The following PHLPP1 variants were observed in gnomAD, a reference collection of about 807,000 sequenced individuals.
PHLPP1 encodes PH domain leucine-rich repeat-containing protein phosphatase 1.
A neutral mutation model predicts 117.2 loss-of-function variants in PHLPP1; 42 were observed. The ratio of observed to expected loss-of-function variants is 0.36; its 90% CI spans 0.28 to 0.46. The LOEUF is 0.46. Among genes scored for constraint, PHLPP1 ranks in the 20% least tolerant of loss-of-function variants. The pLI is 1.00. For synonymous variants in PHLPP1, 1,042 were observed against 970.7 expected, an observed-to-expected ratio of 1.07 and a Z score of -1.37; for missense variants, 2,084 against 2,241.9, an observed-to-expected ratio of 0.93 and a Z score of 1.42.
At chr18:62,927,219 C>A (rs1480543965) in intron 10 of PHLPP1, among the ~76,000 whole-genome samples, 1 of 152,176 alleles carries the variant, frequency 6.6e-6, no homozygotes, top group Admixed American at 6.5e-5. Context: ...CTTAATGTAT[C>A]TTCACTTATC....
chr18:62,823,746 T>C (rs1285629958), intron 1 of PHLPP1, among the ~76,000 whole-genome samples: 1 of 151,940 alleles, frequency 6.6e-6, no homozygotes. Flanking sequence ...GATATGCGGA[T>C]CACAAACTTG....
chr18:62,837,866 C>T (rs553614325), intron 2 of PHLPP1: 1 of 152,036 alleles, frequency 6.6e-6, no homozygotes, highest in South Asian at 2.1e-4. Context: ...GGGGTTTTAC[C>T]ATGTTGACCA....
intron 4 of PHLPP1, among the ~76,000 whole-genome samples, chr18:62,879,614 TAGTC>T: frequency 6.6e-6 from 1 of 152,224 alleles, no homozygotes; most frequent in African/African-American, 2.4e-5. Flanking sequence ...TTCACCGTGT[TAGTC>T]AGGATGGTCT....
intron 6 of PHLPP1, among the ~76,000 whole-genome samples, chr18:62,902,452 G>A (rs1916748216): frequency 6.6e-6 from 1 of 152,168 alleles, no homozygotes; most frequent in Non-Finnish European, 1.5e-5. Context: ...TGTGACTCCC[G>A]TCCATTACTG....
chr18:62,951,401 C>A (rs1463591180), intron 12 of PHLPP1, among the ~76,000 whole-genome samples: 1 of 152,184 alleles, frequency 6.6e-6, no homozygotes, highest in Non-Finnish European at 1.5e-5. Flanking sequence ...GCTTATGTAT[C>A]TATAAAGATG....
rs1913041011 is a variant in PHLPP1 at position 62,778,920 on chromosome 18, A to C, written c.1577-51115A>C. On this transcript the variant is annotated intron_variant, in intron 1 of 16. Coordinates refer to ENST00000262719, the MANE Select transcript of PHLPP1 (RefSeq NM_194449.4). Reference sequence around the variant, plus strand: ...AGCCTTCTGACTTCTTTGGTCCCACAAGGTTAGCCGTAGGCTTGTATATTG... The same window carrying C: ...AGCCTTCTGACTTCTTTGGTCCCACCAGGTTAGCCGTAGGCTTGTATATTG... Among the ~76,000 whole-genome samples, 3 of 152,258 alleles carry C rather than the reference A, an allele frequency of 2.0e-5. No homozygotes were observed. In the South Asian group the frequency reaches 6.2e-4, roughly 31 times the overall value.
At chr18:62,786,862 A>C (rs1385312372) in intron 1 of PHLPP1, among the ~76,000 whole-genome samples, 1 of 152,184 alleles carries the variant, frequency 6.6e-6, no homozygotes, top group African/African-American at 2.4e-5. Context: ...TTTAGTATAA[A>C]ATTTCTGATG....
chr18:62,886,018 G>A (rs1916279477), intron 4 of PHLPP1, among the ~76,000 whole-genome samples: 1 of 152,140 alleles, frequency 6.6e-6, no homozygotes. Context: ...CTGTGAAGCT[G>A]GAGAAAGGAA....
chr18:62,914,355 A>C (rs1420954798), intron 8 of PHLPP1, among the ~76,000 whole-genome samples: 1 of 152,204 alleles, frequency 6.6e-6, no homozygotes, highest in African/African-American at 2.4e-5. Context: ...ACCCTTTAGG[A>C]AAGTAAATTT....
intron 10 of PHLPP1, among the ~76,000 whole-genome samples, chr18:62,938,908 T>C (rs920649761): frequency 1.4e-4 from 22 of 152,154 alleles, no homozygotes; most frequent in African/African-American, 4.8e-4. Flanking sequence ...TGAATTCACT[T>C]TGTTTTATCG....
At chr18:62,792,609 G>A (rs1193235548) in intron 1 of PHLPP1, among the ~76,000 whole-genome samples, 1 of 152,074 alleles carries the variant, frequency 6.6e-6, no homozygotes, top group Non-Finnish European at 1.5e-5. Flanking sequence ...GGTGGCTCAC[G>A]CCTGTAATCC....
Position 62,978,509 on chromosome 18 carries a change from G to A in PHLPP1, c.4232G>A (p.Cys1411Tyr), listed in dbSNP as rs1162484067. The change falls in exon 17 of 17, where the codon TGC becomes TAC. Residue 1411 changes from cysteine to tyrosine, a missense_variant. Around this residue, in one of 2 missense-constraint regions of PHLPP1, gnomAD observed 1,365 missense variants for 1,605.9 expected, o/e 0.85. Transcript: ENST00000262719. This position sits in a 1 kb window ranked among gnomAD's most constrained non-coding sequence, Gnocchi z 7.0. ...TGTACCCTGGCCCAGAGCTACGGCT[G>A]CCACGACAGCATCAGCGCTGTGGTG... ...KLCTLAQSYG[C>Y]HDSISAVVVQ... The A allele has an allele frequency of 6.8e-6, 11 of 1,609,244 alleles. No homozygotes were observed. The Admixed American group carries it at 1.9e-4, about 27-fold the overall frequency.
intron 12 of PHLPP1, among the ~76,000 whole-genome samples, chr18:62,951,496 C>T (rs1390932227): frequency 1.3e-5 from 2 of 152,110 alleles, no homozygotes; most frequent in Non-Finnish European, 2.9e-5. Flanking sequence ...ATGACTCAGT[C>T]CTCAGAAGAA....
intron 10 of PHLPP1, among the ~76,000 whole-genome samples, chr18:62,937,720 AG>A (rs1760706119): frequency 6.6e-6 from 1 of 152,172 alleles, no homozygotes; most frequent in African/African-American, 2.4e-5. Context: ...CAAATGAGAT[AG>A]AAAATAGTGG....
chr18:62,888,157 C>G (rs1916325661), intron 4 of PHLPP1, among the ~76,000 whole-genome samples: 1 of 152,142 alleles, frequency 6.6e-6, no homozygotes, highest in Non-Finnish European at 1.5e-5. Context: ...ATCTTAAAAT[C>G]TGTGATGCTG....
In PHLPP1 at chr18:62,970,846, A is replaced by G. The variant is rs137887970; in HGVS notation, c.3561-1668A>G. On this transcript the variant is annotated intron_variant, in intron 14 of 16. Transcript: ENST00000262719. ...TTATCGTTGTGCTTCATTCTTTTGT[A>G]CAGTTCCGGATTTCCATCTAGTGTC... Among the ~76,000 whole-genome samples the G allele has an allele frequency of 5.6e-3, 850 of 152,302 alleles. 7 individuals are homozygous for G. The highest frequency in any genetic ancestry group is 0.02 in the African/African-American group (821 of 41,562).
rs765091810 is a variant in PHLPP1 at position 62,880,206 on chromosome 18, G to GT, written c.2067-14793dup. Among the ~76,000 whole-genome samples, 993 of 145,124 alleles carry GT rather than the reference G, an allele frequency of 6.8e-3. 10 individuals carry two copies. Among genetic ancestry groups the GT allele is most frequent in the African/African-American group, 0.021 (844 of 39,910 alleles). On this transcript the variant is annotated intron_variant, in intron 4 of 16. Transcript: ENST00000262719. ...ACCTAGGAAACTTTTGGGTGTTAGG[G>GT]TTTTTTTTTTTTCCCCATTTAGCTG...
intron 4 of PHLPP1, among the ~76,000 whole-genome samples, chr18:62,872,121 C>G (rs1236330648): frequency 6.6e-6 from 1 of 152,154 alleles, no homozygotes; most frequent in African/African-American, 2.4e-5. Context: ...GAAAAGTATA[C>G]AGATTTTTAC....
intron 1 of PHLPP1, among the ~76,000 whole-genome samples, chr18:62,790,421 C>G (rs1177593968): frequency 6.6e-6 from 1 of 152,110 alleles, no homozygotes; most frequent in East Asian, 1.9e-4. Context: ...CTAAGGCCAT[C>G]AAGAAAAGGT....
Sources: allele counts gnomAD v4.1 joint callset (sites outside exome capture counted in the v4.1 genomes callset), GRCh38; gene constraint gnomAD v4.1.1; regional missense constraint gnomAD v4.1.1; non-coding constraint Gnocchi (gnomAD v3.1); transcripts MANE v1.5; gene names NCBI Gene and HGNC (gene_info 2026-07-23, HGNC 2026-07-21).